HDAC4: variants seen among roughly 807,000 people sequenced by gnomAD.
HDAC4 encodes the protein histone deacetylase 4.
A neutral mutation model predicts 135.1 loss-of-function variants in HDAC4; 16 were observed. The ratio of observed to expected loss-of-function variants is 0.12; its 90% CI spans 0.08 to 0.18. The LOEUF (loss-of-function observed/expected upper bound fraction) is 0.18, where lower values mean the gene tolerates loss of function less well. Among genes scored for constraint, HDAC4 ranks in the 10% least tolerant of loss-of-function variants. HDAC4 has a pLI of 1.00. For missense variants in HDAC4, 1,143 were observed against 1,511.8 expected, an observed-to-expected ratio of 0.76 and a Z score of 4.05; for synonymous variants, 685 against 653.4, an observed-to-expected ratio of 1.05 and a Z score of -0.74.
intron 2 of HDAC4, among the ~76,000 whole-genome samples, chr2:239,261,052 T>C (rs957127093): frequency 8.0e-4 from 122 of 152,288 alleles, no homozygotes; most frequent in African/African-American, 2.6e-3. Context: ...GCACTAAGGT[T>C]TCAGGTGGAC....
At chr2:239,276,659 A>G (rs1393058446) in intron 2 of HDAC4, among the ~76,000 whole-genome samples, 1 of 152,010 alleles carries the variant, frequency 6.6e-6, no homozygotes, top group South Asian at 2.1e-4. Context: ...CGCTGCCTGG[A>G]CACTGCCTGC....
chr2:239,206,045 T>C (rs1054367778), intron 3 of HDAC4, among the ~76,000 whole-genome samples: 2 of 152,208 alleles, frequency 1.3e-5, no homozygotes, highest in South Asian at 2.1e-4. Flanking sequence ...AATATGGCTG[T>C]TAGTTACACC....
upstream of HDAC4, among the ~76,000 whole-genome samples, chr2:239,401,202 C>A (rs1159227213): frequency 6.6e-6 from 1 of 151,992 alleles, no homozygotes. Flanking sequence ...CCGCCCGCCC[C>A]GGGCGCCTGG....
At position 239,068,097 on chromosome 2, in the gene HDAC4, C is replaced by T. The variant is rs929387714; in HGVS notation, c.2869+392G>A. Among the ~76,000 whole-genome samples the T allele has an allele frequency of 2.0e-5, 3 of 152,180 alleles. No individual in the cohort carries two copies. Among genetic ancestry groups the T allele is most frequent in the Admixed American group, 6.5e-5 (1 of 15,280 alleles). ...TCATCCAACTCTGAACTCAACTGTGCCCCCAGCAACTTCCCTTTACAGTTC... is the reference window on the plus strand; with the variant it reads ...TCATCCAACTCTGAACTCAACTGTGTCCCCAGCAACTTCCCTTTACAGTTC... On this transcript the variant is annotated intron_variant, in intron 23 of 26. Transcript: ENST00000543185. The surrounding 1 kb of genome is among the most constrained non-coding windows in gnomAD (Gnocchi z 4.4).
chr2:239,190,004 C>G lies in HDAC4; in HGVS notation c.168G>C (p.Gln56His). The change falls in exon 4 of 27, where the codon CAG becomes CAC. Residue 56 changes from glutamine to histidine, a missense_variant. Coordinates refer to ENST00000543185, the MANE Select transcript of HDAC4 (RefSeq NM_001378414.1). ...CCGGCTCTGCCACAGGCAGTGAGAACTGGTGGTCCAGGCGCAGGTCCATGG... is the reference window on the plus strand; with the variant it reads ...CCGGCTCTGCCACAGGCAGTGAGAAGTGGTGGTCCAGGCGCAGGTCCATGG... ...AVPMDLRLDH[Q>H]FSLPVAEPAL... The G allele has an allele frequency of 1.9e-6, 3 of 1,606,274 alleles. No homozygotes were observed. Among genetic ancestry groups the G allele is most frequent in the Non-Finnish European group, 2.5e-6 (3 of 1,179,892 alleles).
chr2:239,082,017 A>C, intron 21 of HDAC4, 85 bp downstream of exon 21: 1 of 1,454,926 alleles, frequency 6.9e-7, no homozygotes, highest in Non-Finnish European at 9.6e-7. Context: ...GCTGCCGGGC[A>C]GCTGTGGACC....
At chr2:239,377,100 G>A (rs1454389928) in intron 1 of HDAC4, among the ~76,000 whole-genome samples, 6 of 152,212 alleles carry the variant, frequency 3.9e-5, no homozygotes, top group African/African-American at 1.2e-4. Context: ...CTCTGCCTTC[G>A]GTGCCCAGAT....
chr2:239,233,861 G>T (rs2047738217), intron 3 of HDAC4, among the ~76,000 whole-genome samples: 2 of 152,154 alleles, frequency 1.3e-5, no homozygotes, highest in Admixed American at 1.3e-4. Flanking sequence ...GTGTGTGTGT[G>T]TATCAGTCTG....
At chr2:239,150,801 T>C (rs536448243) in intron 7 of HDAC4, among the ~76,000 whole-genome samples, 138 of 147,252 alleles carry the variant, frequency 9.4e-4, no homozygotes, top group African/African-American at 3.4e-3. Flanking sequence ...CCTCCTGAAG[T>C]ATATACCGCA....
In HDAC4 at chr2:239,262,955, C is replaced by G. The variant is rs1033646026; in HGVS notation, c.23-26291G>C. 1.3e-5 allele frequency among the ~76,000 whole-genome samples: 2 copies of G among 151,954 alleles called. No individual in the cohort carries two copies. The highest frequency in any genetic ancestry group is 2.9e-5 in the Non-Finnish European group (2 of 67,992). On this transcript the variant is annotated intron_variant, in intron 2 of 26. Transcript: ENST00000543185. This position sits in a 1 kb window ranked among gnomAD's most constrained non-coding sequence, Gnocchi z 4.1. ...GAAGCTTCTGTGCTTCACGAAAGAT[C>G]TACGCGTGAAGCCCCCGGGAAGCCA...
At chr2:239,206,391 C>G (rs976166952) in intron 3 of HDAC4, among the ~76,000 whole-genome samples, 1 of 147,674 alleles carries the variant, frequency 6.8e-6, no homozygotes, top group Non-Finnish European at 1.5e-5. Flanking sequence ...TGCACACATA[C>G]GTGCACACAC....
chr2:239,236,497 C>T (rs1201561992), intron 3 of HDAC4, 96 bp downstream of exon 3: 14 of 976,156 alleles, frequency 1.4e-5, no homozygotes, highest in South Asian at 1.2e-4. Flanking sequence ...CCTCCCCCCT[C>T]GCCCTCTCTG....
chr2:239,077,934 C>A (rs914026022), intron 22 of HDAC4, among the ~76,000 whole-genome samples: 1 of 152,204 alleles, frequency 6.6e-6, no homozygotes, highest in Non-Finnish European at 1.5e-5. Flanking sequence ...AAGGCTAATG[C>A]CAATTCGTGA....
intron 1 of HDAC4, among the ~76,000 whole-genome samples, chr2:239,389,554 A>G (rs1431352676): frequency 6.6e-6 from 1 of 152,104 alleles, no homozygotes; most frequent in Non-Finnish European, 1.5e-5. Flanking sequence ...GGAAGGAACC[A>G]ACTCCGGACA....
intron 3 of HDAC4, among the ~76,000 whole-genome samples, chr2:239,202,781 C>A (rs2045835070): frequency 6.6e-6 from 1 of 152,182 alleles, no homozygotes; most frequent in Non-Finnish European, 1.5e-5. Flanking sequence ...AAACAGCAGG[C>A]CCAGAAAAAG....
chr2:239,202,774 C>T (rs2045834515), intron 3 of HDAC4, among the ~76,000 whole-genome samples: 1 of 152,188 alleles, frequency 6.6e-6, no homozygotes, highest in African/African-American at 2.4e-5. Context: ...TGGGACAAAA[C>T]AGCAGGCCCA....
chr2:239,198,154 T>A (rs1434803712), intron 3 of HDAC4, among the ~76,000 whole-genome samples: 1 of 152,162 alleles, frequency 6.6e-6, no homozygotes, highest in African/African-American at 2.4e-5. Context: ...TGACAAGTTT[T>A]CTTTTCCCTG....
chr2:239,217,530 A>C (rs1475439729), intron 3 of HDAC4, among the ~76,000 whole-genome samples: 1 of 152,212 alleles, frequency 6.6e-6, no homozygotes, highest in Non-Finnish European at 1.5e-5. Context: ...GCAAGTAACA[A>C]AATCAGAAGG....
intron 2 of HDAC4, among the ~76,000 whole-genome samples, chr2:239,251,280 G>A (rs544939461): frequency 5.1e-4 from 77 of 152,286 alleles, no homozygotes; most frequent in African/African-American, 1.7e-3. Flanking sequence ...AGCTAGCGTC[G>A]TGGGTGATCT....
Sources: gnomAD v4.1 joint callset for allele counts (sites outside exome capture counted in the v4.1 genomes callset) on GRCh38, gnomAD v4.1.1 for gene constraint, Gnocchi (gnomAD v3.1) non-coding constraint, MANE v1.5 for transcripts, NCBI Gene and HGNC (gene_info 2026-07-23, HGNC 2026-07-21) for gene names.